The following ARHGAP32 variants were observed in gnomAD, a reference collection of about 807,000 sequenced individuals.
ARHGAP32 encodes Rho GTPase activating protein 32, also known as rho GTPase-activating protein 32.
Under a neutral mutation model 186.5 loss-of-function variants are expected in ARHGAP32, and 51 were observed. The observed-to-expected ratio is 0.27, with a 90% confidence interval of 0.22 to 0.35. ARHGAP32 has a LOEUF of 0.35. Ranked by LOEUF, ARHGAP32 falls within the 10% of genes least tolerant of loss-of-function variation. The pLI, the probability that ARHGAP32 is intolerant of heterozygous loss-of-function variation, is 1.00. For missense variants in ARHGAP32, 2,186 were observed against 2,623.5 expected (o/e 0.83, Z 3.64); for synonymous variants, 950 against 964.3 (o/e 0.99, Z 0.27).
chr11:129,189,956 G>GTTTACA (rs1388243221), intron 1 of ARHGAP32, among the ~76,000 whole-genome samples: 12 of 152,062 alleles, frequency 7.9e-5, no homozygotes, highest in Non-Finnish European at 1.6e-4. Context: ...TTAAAATGTA[G>GTTTACA]TTTACAAGCT....
chr11:129,126,358 C>T (rs1942659391), intron 2 of ARHGAP32, among the ~76,000 whole-genome samples: 1 of 152,162 alleles, frequency 6.6e-6, no homozygotes, highest in Non-Finnish European at 1.5e-5. Context: ...AGTTCGCAAA[C>T]CCCTGTCCTA....
chr11:129,029,532 G>A (rs961150684), intron 11 of ARHGAP32, among the ~76,000 whole-genome samples: 4 of 152,114 alleles, frequency 2.6e-5, no homozygotes, highest in African/African-American at 7.2e-5. Context: ...GGCCGGGCAC[G>A]GTGGCTCACG....
At chr11:129,083,891 T>C (rs1941300523) in intron 6 of ARHGAP32, among the ~76,000 whole-genome samples, 1 of 151,986 alleles carries the variant, frequency 6.6e-6, no homozygotes, top group African/African-American at 2.4e-5. Flanking sequence ...TGCTTGAAAA[T>C]GTCAATAAAA....
intron 2 of ARHGAP32, among the ~76,000 whole-genome samples, chr11:129,148,499 A>G (rs2135446241): frequency 6.6e-6 from 1 of 152,314 alleles, no homozygotes; most frequent in Middle Eastern, 3.4e-3. Context: ...GCCATCCCCA[A>G]CTATACCTCA....
At chr11:128,984,269 G>C (rs1591499608) in intron 15 of ARHGAP32, among the ~76,000 whole-genome samples, 1 of 152,028 alleles carries the variant, frequency 6.6e-6, no homozygotes, top group Non-Finnish European at 1.5e-5. Context: ...CAGCTACTTG[G>C]GGGGCTGAGG....
At chr11:129,279,557 C>G (rs1173526736), upstream of ARHGAP32, among the ~76,000 whole-genome samples, 5 of 146,016 alleles carry the variant, frequency 3.4e-5, no homozygotes, top group African/African-American at 1.2e-4. Context: ...CCCGCCGGAG[C>G]CCGCCGCCCG....
At chr11:128,980,893 T>C (rs1220752323) in intron 17 of ARHGAP32, 145 bp from the exon 18 acceptor site, 9 of 581,926 alleles carry the variant, frequency 1.5e-5, no homozygotes, top group Admixed American at 1.0e-4. Flanking sequence ...TAGTGCTTTA[T>C]ATTAAATGAA....
At position 129,026,882 on chromosome 11, in the gene ARHGAP32, A is replaced by G. The variant is rs190840041; in HGVS notation, c.1045+14046T>C. On this transcript the variant is annotated intron_variant, in intron 11 of 22. Transcript: ENST00000682385. Reference sequence around the variant, plus strand: ...TGGGAGGCTGAGGAGGGCAGATCACAAAGTCAGGAGATCGAGACCATCCTG... The same window carrying G: ...TGGGAGGCTGAGGAGGGCAGATCACGAAGTCAGGAGATCGAGACCATCCTG... Among the ~76,000 whole-genome samples the G allele has an allele frequency of 8.5e-3, 1,288 of 151,210 alleles. 63 individuals are homozygous for G. The highest frequency in any genetic ancestry group is 0.074 in the Admixed American group (1,127 of 15,138).
chr11:129,178,991 T>A (rs1317425284), intron 1 of ARHGAP32, among the ~76,000 whole-genome samples: 3 of 151,628 alleles, frequency 2.0e-5, no homozygotes, highest in African/African-American at 4.8e-5. Context: ...GAAACTACCA[T>A]CAGAGTGAAC....
chr11:129,115,866 G>GTC (rs150151245), intron 5 of ARHGAP32, among the ~76,000 whole-genome samples: 6 of 151,734 alleles, frequency 4.0e-5, no homozygotes, highest in African/African-American at 9.7e-5. Flanking sequence ...CAGAGCAAAG[G>GTC]TCTCTCTCTC....
chr11:129,006,542 G>A (rs945246025), intron 11 of ARHGAP32, among the ~76,000 whole-genome samples: 2 of 152,194 alleles, frequency 1.3e-5, no homozygotes, highest in Non-Finnish European at 1.5e-5. Flanking sequence ...TTACCGGTCA[G>A]AGACTTTTGT....
chr11:129,185,292 G>A (rs979317385), intron 1 of ARHGAP32, among the ~76,000 whole-genome samples: 4 of 152,204 alleles, frequency 2.6e-5, no homozygotes, highest in Non-Finnish European at 2.9e-5. Flanking sequence ...ATGAGGTCAT[G>A]TCCTTTGTAG....
chr11:128,986,369 A>G (rs1945872139), intron 14 of ARHGAP32, among the ~76,000 whole-genome samples, 155 bp downstream of exon 14: 1 of 152,212 alleles, frequency 6.6e-6, no homozygotes, highest in Admixed American at 6.5e-5. Context: ...AAAACAGCAA[A>G]GACCACCGAC....
intron 1 of ARHGAP32, among the ~76,000 whole-genome samples, chr11:129,185,241 G>C (rs1341432793): frequency 2.6e-5 from 4 of 152,178 alleles, no homozygotes; most frequent in African/African-American, 9.7e-5. Flanking sequence ...AGAAAATGTG[G>C]CACATATACA....
At chr11:129,094,550 G>A (rs1042237549) in intron 5 of ARHGAP32, among the ~76,000 whole-genome samples, 14 of 152,122 alleles carry the variant, frequency 9.2e-5, no homozygotes, top group South Asian at 2.1e-4. Flanking sequence ...ATTCTCACAC[G>A]GGCAACAACT....
chr11:129,121,569 T>C (rs545136339), intron 5 of ARHGAP32, among the ~76,000 whole-genome samples: 1 of 152,176 alleles, frequency 6.6e-6, no homozygotes, highest in East Asian at 1.9e-4. Context: ...ACCACCCCTA[T>C]CTTCCATACT....
chr11:129,251,611 G>A (rs1945184421), intron 1 of ARHGAP32, among the ~76,000 whole-genome samples: 1 of 152,032 alleles, frequency 6.6e-6, no homozygotes, highest in South Asian at 2.1e-4. Flanking sequence ...AAGAAATAAA[G>A]CAGAAAATAC....
intron 19 of ARHGAP32, among the ~76,000 whole-genome samples, chr11:128,978,345 C>T (rs1945610970): frequency 1.3e-5 from 2 of 151,970 alleles, no homozygotes; most frequent in Admixed American, 6.6e-5. Flanking sequence ...ATAAGATACT[C>T]TATTAATGAG....
At chr11:129,185,360 C>A (rs1404791171) in intron 1 of ARHGAP32, among the ~76,000 whole-genome samples, 5 of 152,052 alleles carry the variant, frequency 3.3e-5, no homozygotes, top group African/African-American at 1.2e-4. Flanking sequence ...GGACAAAAAA[C>A]CAAACACCAC....
Sources: gnomAD v4.1 joint callset for allele counts (sites outside exome capture counted in the v4.1 genomes callset) on GRCh38, gnomAD v4.1.1 for gene constraint, MANE v1.5 for transcripts, NCBI Gene and HGNC (gene_info 2026-07-23, HGNC 2026-07-21) for gene names.